Variants in SAMD3 observed in about 807,000 individuals in gnomAD.
The protein encoded by SAMD3 is sterile alpha motif domain-containing protein 3.
A neutral mutation model predicts 58.5 loss-of-function variants in SAMD3; 63 were observed. That is an observed-to-expected ratio of 1.08 (90% confidence interval 0.88 to 1.33). The LOEUF (loss-of-function observed/expected upper bound fraction) is 1.33, where lower values mean the gene tolerates loss of function less well. Among genes scored for constraint, SAMD3 ranks in the 40% most tolerant of loss-of-function variants. The pLI is 0.00. For missense variants in SAMD3, 604 were observed against 608.4 expected, an observed-to-expected ratio of 0.99 and a Z score of 0.08; for synonymous variants, 220 against 210.3, an observed-to-expected ratio of 1.05 and a Z score of -0.40.
intron 5 of SAMD3, among the ~76,000 whole-genome samples, chr6:130,201,323 G>A (rs544161468): frequency 6.6e-6 from 1 of 152,000 alleles, no homozygotes; most frequent in South Asian, 2.1e-4. Flanking sequence ...AATTACTTGT[G>A]GAACCTTAAA....
chr6:130,224,916 C>G (rs1796345988), upstream of SAMD3, among the ~76,000 whole-genome samples: 1 of 152,078 alleles, frequency 6.6e-6, no homozygotes, highest in South Asian at 2.1e-4. Context: ...CCACGCCCAG[C>G]CCGAAGCACT....
intron 1 of SAMD3, among the ~76,000 whole-genome samples, chr6:130,314,126 C>T (rs936853781): frequency 3.7e-4 from 56 of 151,916 alleles, no homozygotes; most frequent in African/African-American, 1.3e-3. Flanking sequence ...GTGGAAAGGA[C>T]GTAAAATATG....
intron 1 of SAMD3, among the ~76,000 whole-genome samples, chr6:130,317,530 A>T (rs1776421288): frequency 6.6e-6 from 1 of 152,210 alleles, no homozygotes; most frequent in South Asian, 2.1e-4. Flanking sequence ...AAATACTGGG[A>T]ATGTCAGGAA....
intron 9 of SAMD3, among the ~76,000 whole-genome samples, chr6:130,148,760 T>C (rs1270044996): frequency 6.6e-6 from 1 of 152,000 alleles, no homozygotes; most frequent in Non-Finnish European, 1.5e-5. Flanking sequence ...TAGTCCCAGA[T>C]ACTCAGGAGG....
chr6:130,343,610 T>G (rs1215031016), intron 1 of SAMD3, among the ~76,000 whole-genome samples: 4 of 152,050 alleles, frequency 2.6e-5, no homozygotes, highest in African/African-American at 9.7e-5. Flanking sequence ...TACTAAGAAG[T>G]AGCCTAGAAG....
chr6:130,146,032 GTAA>G lies in SAMD3; in HGVS notation c.1170_1172del (p.Tyr391del). On this transcript the variant is annotated inframe_deletion, in exon 10 of 12. Coordinates refer to ENST00000439090, the MANE Select transcript of SAMD3 (RefSeq NM_001017373.4). ...AACATTTCAACATGTCTTCATCTGT[GTAA>G]TGTTTCATTTTTTCTTGCAATACAA... 1 of 1,570,398 alleles carries G rather than the reference GTAA, an allele frequency of 6.4e-7. No homozygotes were observed. Among genetic ancestry groups the G allele is most frequent in the African/African-American group, 1.4e-5 (1 of 73,098 alleles).
chr6:130,349,201 T>C (rs1351007959), intron 1 of SAMD3, among the ~76,000 whole-genome samples: 1 of 152,148 alleles, frequency 6.6e-6, no homozygotes, highest in African/African-American at 2.4e-5. Context: ...ATTCAAAAGC[T>C]ATCAGAAGGC....
chr6:130,352,133 C>T (rs1022065258), intron 1 of SAMD3, among the ~76,000 whole-genome samples: 1 of 151,914 alleles, frequency 6.6e-6, no homozygotes, highest in Non-Finnish European at 1.5e-5. Flanking sequence ...TTAATGGGTG[C>T]AGCACACCAA....
intron 8 of SAMD3, among the ~76,000 whole-genome samples, chr6:130,155,441 G>T (rs1462951814): frequency 6.6e-6 from 1 of 152,046 alleles, no homozygotes; most frequent in South Asian, 2.1e-4. Flanking sequence ...TTTTATAGCT[G>T]CAGTACCATG....
At chr6:130,246,251 T>C (rs1773542844) in intron 2 of SAMD3, among the ~76,000 whole-genome samples, 1 of 152,202 alleles carries the variant, frequency 6.6e-6, no homozygotes, top group African/African-American at 2.4e-5. Context: ...TAGATTTAAC[T>C]TTAAAACAGT....
upstream of SAMD3, among the ~76,000 whole-genome samples, chr6:130,223,276 T>C (rs548010395): frequency 4.7e-4 from 71 of 152,322 alleles, no homozygotes; most frequent in African/African-American, 1.7e-3. Context: ...AAGGTTCTAG[T>C]GTCTTGAGGC....
At chr6:130,261,782 A>G (rs1263152415) in intron 2 of SAMD3, among the ~76,000 whole-genome samples, 1 of 152,162 alleles carries the variant, frequency 6.6e-6, no homozygotes, top group Non-Finnish European at 1.5e-5. Context: ...TGGCCATCAG[A>G]AGGAAGCCTG....
chr6:130,338,741 T>C (rs1363511943), intron 1 of SAMD3, among the ~76,000 whole-genome samples: 1 of 152,228 alleles, frequency 6.6e-6, no homozygotes, highest in Non-Finnish European at 1.5e-5. Flanking sequence ...ACAGCCCCTT[T>C]ATTTTGGGCA....
At chr6:130,297,030 C>T (rs62433889) in intron 2 of SAMD3, among the ~76,000 whole-genome samples, 14 of 152,180 alleles carry the variant, frequency 9.2e-5, no homozygotes, top group African/African-American at 2.9e-4. Context: ...GTCCACCTGA[C>T]GACAAGCCAG....
In SAMD3 at chr6:130,291,358, G is replaced by A. The variant is rs1775355179; in HGVS notation, c.-188+21620C>T. ...GACCTCAGGTGATCCACTCGTCTTA[G>A]CCTTCCAAAGTGCTGGGATTACAGG... On this transcript the variant is annotated intron_variant, in intron 2 of 13. Transcript: ENST00000368134. 2.0e-5 allele frequency among the ~76,000 whole-genome samples: 3 copies of A among 152,166 alleles called. No homozygotes were observed. The South Asian group carries it at 6.2e-4, about 32-fold the overall frequency.
At chr6:130,334,242 G>C (rs150105078) in intron 1 of SAMD3, among the ~76,000 whole-genome samples, 102 of 152,254 alleles carry the variant, frequency 6.7e-4, no homozygotes, top group African/African-American at 2.4e-3. Context: ...GGGAAGAGAG[G>C]AGGAGGGAAA....
intron 5 of SAMD3, among the ~76,000 whole-genome samples, chr6:130,185,193 C>A (rs1196676256): frequency 6.6e-6 from 1 of 152,126 alleles, no homozygotes; most frequent in Non-Finnish European, 1.5e-5. Flanking sequence ...TGAAGGGCTA[C>A]AGAAAACTAT....
chr6:130,248,413 C>A (rs933245702), intron 2 of SAMD3, among the ~76,000 whole-genome samples: 6 of 152,102 alleles, frequency 3.9e-5, no homozygotes, highest in African/African-American at 1.4e-4. Context: ...TTCTTCTTTT[C>A]TTGTATCTCA....
intron 2 of SAMD3, among the ~76,000 whole-genome samples, chr6:130,242,050 C>T (rs1250872643): frequency 6.6e-6 from 1 of 152,278 alleles, no homozygotes; most frequent in Non-Finnish European, 1.5e-5. Flanking sequence ...CTGACTCCTA[C>T]CAAACATACT....
Sources: gnomAD v4.1 joint callset for allele counts (sites outside exome capture counted in the v4.1 genomes callset) on GRCh38, gnomAD v4.1.1 for gene constraint, MANE v1.5 for transcripts, NCBI Gene and HGNC (gene_info 2026-07-23, HGNC 2026-07-21) for gene names.